The following ATIC variants were observed in gnomAD, a reference collection of about 807,000 sequenced individuals.
ATIC encodes 5-aminoimidazole-4-carboxamide ribonucleotide formyltransferase/IMP cyclohydrolase.
Under a neutral mutation model 72.5 loss-of-function variants are expected in ATIC, and 64 were observed. That is an observed-to-expected ratio of 0.88 (90% CI 0.72 to 1.09). The LOEUF (loss-of-function observed/expected upper bound fraction) is 1.09. Among genes scored for constraint, ATIC ranks in the 50% least tolerant of loss-of-function variants. ATIC has a pLI of 0.00. For missense variants in ATIC, 787 were observed against 732.4 expected (o/e 1.07, Z -0.86); for synonymous variants, 281 against 267.1 (o/e 1.05, Z -0.51).
At chr2:215,348,583 T>G (rs1432604252) in intron 14 of ATIC, 3 of 374,798 alleles carry the variant, frequency 8.0e-6, no homozygotes, top group Non-Finnish European at 1.5e-5. Context: ...AGAATCACTT[T>G]TTTTCCTTAA....
intron 4 of ATIC, among the ~76,000 whole-genome samples, chr2:215,321,943 G>A (rs766211956): frequency 2.0e-5 from 3 of 151,820 alleles, no homozygotes; most frequent in Admixed American, 1.3e-4. Flanking sequence ...TCTTACTCTC[G>A]CCCAGGCTGG....
the ATIC span, among the ~76,000 whole-genome samples, chr2:215,355,953 C>T: frequency 2.0e-5 from 3 of 152,302 alleles, no homozygotes; most frequent in South Asian, 4.1e-4. Context: ...GGGATGGATT[C>T]ACTCCTCCAA....
the ATIC span, among the ~76,000 whole-genome samples, chr2:215,367,389 T>G: frequency 6.6e-6 from 1 of 152,200 alleles, no homozygotes; most frequent in African/African-American, 2.4e-5. Context: ...ACCTGGGCTA[T>G]GTGTGTGACG....
chr2:215,337,294 A>T (rs1402129616), intron 11 of ATIC, among the ~76,000 whole-genome samples: 1 of 152,188 alleles, frequency 6.6e-6, no homozygotes, highest in Non-Finnish European at 1.5e-5. Flanking sequence ...TGATTGTAAG[A>T]TACCAATAAT....
chr2:215,367,769 C>G, the ATIC span: 1 of 1,239,084 alleles, frequency 8.1e-7, no homozygotes, highest in African/African-American at 1.5e-5. Context: ...TTGGAAGAAC[C>G]TGTGTCTTCC....
rs149278709 is a variant in ATIC at position 215,324,933 on chromosome 2, C to A, written c.291-308C>A. ...CTATTAAAATGTTCTATAAATTTTT[C>A]ATGGCTTGGTGGTTCTGGGTAGCTA... On this transcript the variant is annotated intron_variant, in intron 4 of 15. Coordinates refer to ENST00000236959, the MANE Select transcript of ATIC (RefSeq NM_004044.7). Among the ~76,000 whole-genome samples, 371 of 152,140 alleles carry A rather than the reference C, an allele frequency of 2.4e-3. 4 individuals are homozygous for A. The highest frequency in any genetic ancestry group is 8.4e-3 in the African/African-American group (347 of 41,504).
At chr2:215,313,886 C>G (rs144871883) in intron 2 of ATIC, among the ~76,000 whole-genome samples, 1 of 152,092 alleles carries the variant, frequency 6.6e-6, no homozygotes, top group African/African-American at 2.4e-5. Context: ...CATCAGCAAC[C>G]GAATGAGAAT....
In ATIC at chr2:215,344,874, A is replaced by C. The variant is rs2053056657; in HGVS notation, c.1320+3A>C. 1 of 1,613,576 alleles carries C rather than the reference A, an allele frequency of 6.2e-7. No individual in the cohort carries two copies. The highest frequency in any genetic ancestry group is 8.5e-7 in the Non-Finnish European group (1 of 1,179,760). The stretch of plus-strand genomic sequence containing the variant: ...TGTGCTACGCCAAGAACGGGCAGGT[A>C]AGTGGGCTGTTGGACTCGCCTTCGG... On this transcript the variant is annotated splice_donor_region_variant and intron_variant, in intron 13 of 15. Coordinates refer to ENST00000236959, the MANE Select transcript of ATIC (RefSeq NM_004044.7).
chr2:215,326,351 T>A (rs868340368), intron 6 of ATIC, among the ~76,000 whole-genome samples: 4 of 152,136 alleles, frequency 2.6e-5, no homozygotes, highest in Admixed American at 6.5e-5. Flanking sequence ...ACGCCTGTAA[T>A]CCTAGCACTT....
the ATIC span, chr2:215,363,228 A>G: frequency 6.6e-6 from 1 of 152,202 alleles, no homozygotes; most frequent in Non-Finnish European, 1.5e-5. Context: ...AGTGTCGCAC[A>G]TGAAAGGTTT....
intron 12 of ATIC, among the ~76,000 whole-genome samples, chr2:215,340,350 A>G (rs2053006037): frequency 6.6e-6 from 1 of 152,206 alleles, no homozygotes; most frequent in South Asian, 2.1e-4. Flanking sequence ...TAAAGAATGG[A>G]CAAGCTGACA....
chr2:215,340,867 G>A (rs2053011623), intron 12 of ATIC, among the ~76,000 whole-genome samples: 1 of 152,164 alleles, frequency 6.6e-6, no homozygotes, highest in South Asian at 2.1e-4. Context: ...GAAAAGCATA[G>A]ACTGTCAGGC....
the ATIC span, among the ~76,000 whole-genome samples, chr2:215,355,039 C>A: frequency 2.0e-5 from 3 of 152,180 alleles, no homozygotes; most frequent in African/African-American, 7.2e-5. Flanking sequence ...GCTCCTTTCT[C>A]ATTTTACTGT....
the ATIC span, among the ~76,000 whole-genome samples, chr2:215,357,781 C>T: frequency 6.6e-6 from 1 of 151,556 alleles, no homozygotes; most frequent in African/African-American, 2.4e-5. Flanking sequence ...CTTTGTGTTT[C>T]TTCTGCTTTA....
chr2:215,358,741 CCAA>C, the ATIC span, among the ~76,000 whole-genome samples: 780 of 152,288 alleles, frequency 5.1e-3, 6 homozygotes, highest in African/African-American at 0.018. Context: ...TTTGGAGAAT[CCAA>C]CAGACATTTT....
downstream of ATIC, among the ~76,000 whole-genome samples, chr2:215,353,360 C>T (rs557577049): frequency 4.6e-5 from 7 of 152,142 alleles, no homozygotes; most frequent in South Asian, 1.0e-3. Context: ...CCACCCCATT[C>T]CAAACTCCTG....
chr2:215,350,100 A>G (rs970758601), downstream of ATIC, among the ~76,000 whole-genome samples: 2 of 152,032 alleles, frequency 1.3e-5, no homozygotes, highest in African/African-American at 2.4e-5. Context: ...GAGTCTTCTC[A>G]TGCCGTTTTT....
chr2:215,331,038 A>G (rs2052887565), intron 7 of ATIC, among the ~76,000 whole-genome samples: 1 of 152,214 alleles, frequency 6.6e-6, no homozygotes, highest in Non-Finnish European at 1.5e-5. Context: ...CCATGGACAT[A>G]TTGAAGGGCA....
At chr2:215,338,626 G>A in intron 11 of ATIC, 153 bp from the exon 12 acceptor site, 1 of 721,218 alleles carries the variant, frequency 1.4e-6, no homozygotes, top group Admixed American at 3.1e-5. Flanking sequence ...CACATCATTT[G>A]TTGTGTGAGA....
Sources: gnomAD v4.1 joint callset for allele counts (sites outside exome capture counted in the v4.1 genomes callset) on GRCh38, gnomAD v4.1.1 for gene constraint, MANE v1.5 for transcripts, NCBI Gene and HGNC (gene_info 2026-07-23, HGNC 2026-07-21) for gene names.